The following MAPK8IP3 variants were observed in gnomAD, a reference collection of about 807,000 sequenced individuals.
MAPK8IP3 encodes the protein mitogen-activated protein kinase 8 interacting protein 3, also known as C-Jun-amino-terminal kinase-interacting protein 3.
MAPK8IP3 carries 49 observed loss-of-function variants against 157.8 expected under a neutral mutation model. That is an observed-to-expected ratio of 0.31 (90% confidence interval 0.25 to 0.39). MAPK8IP3 has a LOEUF of 0.39. MAPK8IP3 is among the 10% of genes least tolerant of loss of function. The probability of loss-of-function intolerance (pLI) is 1.00; values close to 1 mark genes in which losing one functional copy is unlikely to be tolerated. For synonymous variants in MAPK8IP3, 897 were observed against 777.7 expected (o/e 1.15, Z -2.55); for missense variants, 1,478 against 1,889.4 (o/e 0.78, Z 4.04).
chr16:1,735,577 C>A (rs2039659201), intron 4 of MAPK8IP3, among the ~76,000 whole-genome samples: 1 of 138,872 alleles, frequency 7.2e-6, no homozygotes, highest in African/African-American at 2.8e-5. Context: ...ATGTGAGAGT[C>A]CGTGTGACCA....
intron 24 of MAPK8IP3, 23 bp downstream of exon 24, chr16:1,766,826 C>T: frequency 6.2e-7 from 1 of 1,612,438 alleles, no homozygotes; most frequent in Non-Finnish European, 8.5e-7. Flanking sequence ...AGACCGAGGG[C>T]CGGGCGGCGC....
At chr16:1,750,568 TATA>T (rs903364229) in intron 8 of MAPK8IP3, among the ~76,000 whole-genome samples, 4 of 151,940 alleles carry the variant, frequency 2.6e-5, no homozygotes, top group Non-Finnish European at 5.9e-5. Flanking sequence ...TATATATGCT[TATA>T]ATAATATTTA....
chr16:1,722,016 C>T (rs912061115), intron 1 of MAPK8IP3, among the ~76,000 whole-genome samples: 2 of 152,130 alleles, frequency 1.3e-5, no homozygotes, highest in African/African-American at 2.4e-5. Context: ...TCATCCCCCC[C>T]GCCTCGGCCT....
intron 5 of MAPK8IP3, chr16:1,746,772 C>G (rs575487902): frequency 3.7e-4 from 199 of 533,320 alleles, no homozygotes; most frequent in Non-Finnish European, 4.7e-4. Context: ...CAGTGGAAAG[C>G]CCCGTTCCAA....
chr16:1,732,595 G>A (rs976159496), intron 4 of MAPK8IP3, among the ~76,000 whole-genome samples: 2 of 152,258 alleles, frequency 1.3e-5, no homozygotes, highest in Non-Finnish European at 2.9e-5. Context: ...CAGTTCTCAG[G>A]GACTTGCCCT....
chr16:1,715,976 C>T (rs1239230511), intron 1 of MAPK8IP3, among the ~76,000 whole-genome samples: 8 of 152,124 alleles, frequency 5.3e-5, no homozygotes, highest in Non-Finnish European at 1.2e-4. Flanking sequence ...ATCTGCCCAC[C>T]TCAGCCTCCC....
intron 26 of MAPK8IP3, 46 bp from the exon 27 acceptor site, chr16:1,767,518 C>T (rs1217068777): frequency 5.0e-6 from 8 of 1,589,612 alleles, no homozygotes; most frequent in South Asian, 1.1e-5. Context: ...CTCCCCACTT[C>T]CTCTCCTCTC....
chr16:1,765,819 G>T, intron 20 of MAPK8IP3, 141 bp from the exon 21 acceptor site: 1 of 759,086 alleles, frequency 1.3e-6, no homozygotes. Flanking sequence ...GGTGGGCTGT[G>T]GGTGGAGCAT....
intron 4 of MAPK8IP3, among the ~76,000 whole-genome samples, chr16:1,732,113 G>C (rs912370790): frequency 6.6e-6 from 1 of 152,206 alleles, no homozygotes; most frequent in Non-Finnish European, 1.5e-5. Flanking sequence ...CCAGGGGACC[G>C]GCCATGGGAG....
In MAPK8IP3 at chr16:1,706,248, G is replaced by A. The variant is rs908197280; in HGVS notation, c.-92G>A. On this transcript the variant is annotated 5_prime_UTR_variant, in exon 1 of 32. Transcript: ENST00000610761. The surrounding 1 kb of genome is among the most constrained non-coding windows in gnomAD (Gnocchi z 5.1). ...TGAGGCGACAGCAGCTGCGGGAGGC[G>A]ACGGGCTGCGGCCTGCGGAACCTGA... is the stretch of plus-strand genomic sequence containing the variant. 36 of 1,211,426 alleles carry A rather than the reference G, an allele frequency of 3.0e-5. No individual in the cohort carries two copies. Among genetic ancestry groups the A allele is most frequent in the Middle Eastern group, 2.9e-4 (1 of 3,458 alleles). 75.0% of individuals were successfully genotyped at this position (1,211,426 alleles called of 1,614,324 possible).
At chr16:1,737,248 G>A (rs1471528378) in intron 4 of MAPK8IP3, among the ~76,000 whole-genome samples, 2 of 103,570 alleles carry the variant, frequency 1.9e-5, no homozygotes, top group Non-Finnish European at 3.8e-5. Context: ...CCGTGTGACC[G>A]TGTGAGCGTC....
At position 1,743,962 on chromosome 16, in the gene MAPK8IP3, G is replaced by A; in HGVS notation, c.747+486G>A. The A allele has an allele frequency of 5.0e-6, 5 of 1,001,902 alleles. No individual in the cohort carries two copies. The highest frequency in any genetic ancestry group is 5.9e-6 in the Non-Finnish European group (5 of 840,908). 62.1% of individuals were successfully genotyped at this position (1,001,902 alleles called of 1,614,324 possible). On this transcript the variant is annotated intron_variant, in intron 5 of 31. Coordinates refer to ENST00000610761, the MANE Select transcript of MAPK8IP3 (RefSeq NM_001318852.2). The surrounding 1 kb of genome is among the most constrained non-coding windows in gnomAD (Gnocchi z 5.6). ...TGAGGAGAAAGCTCCTCTTCTCTGG[G>A]CCCCTCCCTGCCTGTCCCTGGTAAC...
intron 1 of MAPK8IP3, among the ~76,000 whole-genome samples, chr16:1,708,446 T>G (rs992801100): frequency 5.3e-5 from 8 of 152,264 alleles, no homozygotes; most frequent in Admixed American, 5.2e-4. Flanking sequence ...CTTGTACCTG[T>G]GTGGTCAGTA....
intron 4 of MAPK8IP3, among the ~76,000 whole-genome samples, chr16:1,730,502 G>T (rs755855449): frequency 2.0e-5 from 3 of 152,032 alleles, no homozygotes; most frequent in Non-Finnish European, 1.5e-5. Context: ...CACTTTGGGA[G>T]GCCGAGGTGG....
At chr16:1,746,753 G>T in intron 5 of MAPK8IP3, 1 of 486,272 alleles carries the variant, frequency 2.1e-6, no homozygotes, top group Non-Finnish European at 3.7e-6. Context: ...AATCGTCTGG[G>T]GAGGGCACCA....
rs561300715 is a variant in MAPK8IP3 at position 1,728,815 on chromosome 16, C to T, written c.440-323C>T. ...ACAGCGCACACAGCAGCCCCCCAGA[C>T]GGCTTTAACAGAGCTGAGTGTTCTC... On this transcript the variant is annotated intron_variant, in intron 2 of 31. Coordinates refer to ENST00000610761, the MANE Select transcript of MAPK8IP3 (RefSeq NM_001318852.2). 5.2e-4 allele frequency among the ~76,000 whole-genome samples: 75 copies of T among 144,170 alleles called. 4 individuals are homozygous for T. The highest frequency in any genetic ancestry group is 2.0e-3 in the African/African-American group (72 of 35,512). 94.6% of individuals were successfully genotyped at this position (144,170 alleles called of 152,430 possible).
chr16:1,740,837 A>G (rs181727402), intron 4 of MAPK8IP3, among the ~76,000 whole-genome samples: 14 of 152,316 alleles, frequency 9.2e-5, no homozygotes, highest in Admixed American at 2.6e-4. Context: ...CCTGTGGCAG[A>G]TGTGAGAGGT....
intron 8 of MAPK8IP3, among the ~76,000 whole-genome samples, chr16:1,756,707 A>C (rs2041621921): frequency 6.6e-6 from 1 of 151,674 alleles, no homozygotes; most frequent in Admixed American, 6.6e-5. Flanking sequence ...CTGTAGACTC[A>C]GCTACTCAGG....
At chr16:1,747,970 G>A (rs2041070461) in intron 6 of MAPK8IP3, among the ~76,000 whole-genome samples, 1 of 152,240 alleles carries the variant, frequency 6.6e-6, no homozygotes, top group African/African-American at 2.4e-5. Flanking sequence ...TGGCTTGCTT[G>A]GACGTGGGAT....
Sources: allele counts gnomAD v4.1 joint callset (sites outside exome capture counted in the v4.1 genomes callset), GRCh38; gene constraint gnomAD v4.1.1; non-coding constraint Gnocchi (gnomAD v3.1); transcripts MANE v1.5; gene names NCBI Gene and HGNC (gene_info 2026-07-23, HGNC 2026-07-21).